IL1RAPL1: variants seen among roughly 807,000 people sequenced by gnomAD.
IL1RAPL1 encodes the protein interleukin-1 receptor accessory protein-like 1.
Under a neutral mutation model 48.4 loss-of-function variants are expected in IL1RAPL1, and 3 were observed. The ratio of observed to expected loss-of-function variants is 0.06; its 90% CI spans 0.03 to 0.16. IL1RAPL1 has a LOEUF of 0.16. IL1RAPL1 is among the 10% of genes least tolerant of loss of function. The probability of loss-of-function intolerance (pLI) is 1.00; values close to 1 mark genes in which losing one functional copy is unlikely to be tolerated. For missense variants in IL1RAPL1, 349 were observed against 530.6 expected (o/e 0.66, Z 3.36); for synonymous variants, 185 against 187.7 (o/e 0.99, Z 0.12).
intron 2 of IL1RAPL1, among the ~76,000 whole-genome samples, chrX:28,979,746 T>C (rs1481877154): frequency 8.9e-6 from 1 of 112,039 alleles, no homozygotes; most frequent in Non-Finnish European, 1.9e-5. Context: ...TGTAACAAGT[T>C]TGTTGTTGTG....
At chrX:29,128,758 AATGGATGG>A (rs946285247) in intron 2 of IL1RAPL1, among the ~76,000 whole-genome samples, 3 of 111,591 alleles carry the variant, frequency 2.7e-5, no homozygotes, top group East Asian at 2.8e-4. Context: ...TTCCTTAATG[AATGGATGG>A]ATGGATGGAT....
intron 2 of IL1RAPL1, among the ~76,000 whole-genome samples, chrX:28,996,318 G>A (rs750786099): frequency 9.0e-6 from 1 of 111,583 alleles, no homozygotes; most frequent in African/African-American, 3.3e-5. Context: ...TCCACACATC[G>A]TCCATTATAT....
chrX:28,907,020 A>C (rs903894483), intron 2 of IL1RAPL1, among the ~76,000 whole-genome samples: 3 of 111,606 alleles, frequency 2.7e-5, no homozygotes, highest in African/African-American at 9.8e-5. Context: ...CTCTGAGGAA[A>C]AGTAACCAGG....
chrX:29,480,763 A>G (rs933905838), intron 5 of IL1RAPL1, among the ~76,000 whole-genome samples: 1 of 111,113 alleles, frequency 9.0e-6, no homozygotes, highest in African/African-American at 3.3e-5. Flanking sequence ...TTTTCATCTA[A>G]TGGAGTCTGT....
chrX:29,167,649 G>A (rs1051348040), intron 2 of IL1RAPL1, among the ~76,000 whole-genome samples: 1 of 110,547 alleles, frequency 9.0e-6, no homozygotes, highest in Non-Finnish European at 1.9e-5. Context: ...GTGAAATCAT[G>A]TTACTCTTAT....
At chrX:29,367,726 G>C (rs1056222777) in intron 3 of IL1RAPL1, among the ~76,000 whole-genome samples, 34 of 108,394 alleles carry the variant, frequency 3.1e-4, no homozygotes, top group African/African-American at 1.0e-3. Context: ...GACTACAGGC[G>C]CACGCCACCA....
At chrX:29,261,389 T>C (rs963923961) in intron 2 of IL1RAPL1, among the ~76,000 whole-genome samples, 1 of 111,469 alleles carries the variant, frequency 9.0e-6, no homozygotes, top group African/African-American at 3.3e-5. Flanking sequence ...CCAAGAGACC[T>C]GGAATCAATT....
intron 6 of IL1RAPL1, among the ~76,000 whole-genome samples, chrX:29,913,850 T>C (rs187163027): frequency 9.0e-6 from 1 of 111,466 alleles, no homozygotes; most frequent in African/African-American, 3.3e-5. Flanking sequence ...GCTCCTGCTC[T>C]TGCGTCATCA....
intron 6 of IL1RAPL1, among the ~76,000 whole-genome samples, chrX:29,717,494 T>A (rs1232424632): frequency 8.9e-6 from 1 of 112,155 alleles, no homozygotes; most frequent in African/African-American, 3.2e-5. Context: ...ATGTAAACAT[T>A]TTGCTGAAGA....
chrX:29,602,705 T>C (rs1217239873), intron 5 of IL1RAPL1, among the ~76,000 whole-genome samples: 1 of 112,703 alleles, frequency 8.9e-6, no homozygotes, highest in Non-Finnish European at 1.9e-5. Context: ...CTTTAATATT[T>C]CCCAGGCTAT....
At chrX:29,563,229 T>C (rs1922298699) in intron 5 of IL1RAPL1, among the ~76,000 whole-genome samples, 1 of 112,052 alleles carries the variant, frequency 8.9e-6, no homozygotes, top group South Asian at 3.7e-4. Context: ...GTATTCCAGA[T>C]AATCTTTCTA....
intron 2 of IL1RAPL1, among the ~76,000 whole-genome samples, chrX:28,953,795 C>G (rs1017445206): frequency 1.8e-5 from 2 of 110,864 alleles, no homozygotes; most frequent in African/African-American, 6.5e-5. Context: ...GTTTTAATGC[C>G]AGATCATTTA....
chrX:29,520,887 G>A (rs1197391883), intron 5 of IL1RAPL1, among the ~76,000 whole-genome samples: 1 of 111,497 alleles, frequency 9.0e-6, no homozygotes, highest in Non-Finnish European at 1.9e-5. Flanking sequence ...TGAAGAGGGA[G>A]AAAGGATCAG....
intron 6 of IL1RAPL1, among the ~76,000 whole-genome samples, chrX:29,892,794 A>G (rs887627435): frequency 1.8e-5 from 2 of 112,480 alleles, no homozygotes. Context: ...AGCAGTGAAG[A>G]GCCTTCACTT....
chrX:29,607,713 G>T (rs191775775), intron 5 of IL1RAPL1, among the ~76,000 whole-genome samples: 31 of 111,584 alleles, frequency 2.8e-4, no homozygotes, highest in Non-Finnish European at 5.3e-4. Flanking sequence ...TGTCTCCTTT[G>T]CTGGCTGATA....
intron 6 of IL1RAPL1, among the ~76,000 whole-genome samples, chrX:29,678,513 C>G (rs1488175460): frequency 2.0e-5 from 2 of 97,859 alleles, no homozygotes; most frequent in Non-Finnish European, 3.9e-5. Context: ...CGCCACCACG[C>G]CTGGCTAATT....
In IL1RAPL1 at chrX:29,663,403, A is replaced by G. The variant is rs145300640; in HGVS notation, c.704-5027A>G. ...CCAAAAAGTTATCTCTGAGTATAGC[A>G]CTCGCCACAGTGCATCATAAATATG... On this transcript the variant is annotated intron_variant, in intron 5 of 10. Coordinates refer to ENST00000378993, the MANE Select transcript of IL1RAPL1 (RefSeq NM_014271.4). 2.0e-4 allele frequency among the ~76,000 whole-genome samples: 22 copies of G among 112,253 alleles called. No individual in the cohort carries two copies. In the East Asian group the frequency reaches 5.3e-3, roughly 27 times the overall value.
chrX:29,189,434 C>T (rs965029070), intron 2 of IL1RAPL1, among the ~76,000 whole-genome samples: 1 of 111,264 alleles, frequency 9.0e-6, no homozygotes, highest in African/African-American at 3.3e-5. Context: ...ATCTTCATTT[C>T]CCCCTCTTTT....
At chrX:28,872,029 A>G (rs993322884) in intron 2 of IL1RAPL1, among the ~76,000 whole-genome samples, 4 of 111,542 alleles carry the variant, frequency 3.6e-5, no homozygotes, top group African/African-American at 1.3e-4. Context: ...ATTATTAGAG[A>G]TAGGGTCTTG....
Sources: allele counts gnomAD v4.1 joint callset (sites outside exome capture counted in the v4.1 genomes callset), GRCh38; gene constraint gnomAD v4.1.1; transcripts MANE v1.5; gene names NCBI Gene and HGNC (gene_info 2026-07-23, HGNC 2026-07-21).